Variants in SPRED2 observed in about 807,000 individuals in gnomAD.
SPRED2 encodes the protein sprouty-related, EVH1 domain-containing protein 2.
In SPRED2, 47 loss-of-function variants were observed where a neutral mutation model predicts 43.0. The ratio of observed to expected loss-of-function variants is 1.09; its 90% CI spans 0.87 to 1.40. The LOEUF is 1.40. SPRED2 is among the 40% of genes most tolerant of loss of function. The probability of loss-of-function intolerance (pLI) is 0.00; values close to 1 mark genes in which losing one functional copy is unlikely to be tolerated. For synonymous variants in SPRED2, 225 were observed against 225.7 expected (o/e 1.00, Z 0.03); for missense variants, 561 against 586.4 (o/e 0.96, Z 0.45).
intron 1 of SPRED2, chr2:65,377,764 T>TA: frequency 2.1e-6 from 1 of 467,490 alleles, no homozygotes; most frequent in South Asian, 1.6e-5. Flanking sequence ...ACTCCCTAGG[T>TA]AACTGTCAAA....
intron 1 of SPRED2, among the ~76,000 whole-genome samples, chr2:65,404,787 A>C (rs1051653702): frequency 6.6e-6 from 1 of 152,194 alleles, no homozygotes; most frequent in African/African-American, 2.4e-5. Context: ...TTTCTTACAA[A>C]TGAGGGCACA....
chr2:65,394,929 A>ATTTTTATC (rs982462760), intron 1 of SPRED2, among the ~76,000 whole-genome samples: 2 of 152,142 alleles, frequency 1.3e-5, no homozygotes, highest in African/African-American at 4.8e-5. Context: ...AATTGTAGTG[A>ATTTTTATC]TTTTTATCTA....
At position 65,432,175 on chromosome 2, in the gene SPRED2, G is replaced by A. The variant is rs915466877; in HGVS notation, c.-188C>T. The A allele has an allele frequency of 3.0e-6, 2 of 668,826 alleles. No homozygotes were observed. The highest frequency in any genetic ancestry group is 2.8e-5 in the East Asian group (1 of 35,652). The allele number at this position is 668,826 out of a possible 1,614,324, so 41.4% of individuals were successfully genotyped here. Reference sequence around the variant, plus strand: ...CGGGATAGGGTTTGGGGGAAGGGGTGCAAAGGCAGGCTGCGCGGGGAGTGA... The same window carrying A: ...CGGGATAGGGTTTGGGGGAAGGGGTACAAAGGCAGGCTGCGCGGGGAGTGA... On this transcript the variant is annotated 5_prime_UTR_variant, in exon 1 of 6. Coordinates refer to ENST00000356388, the MANE Select transcript of SPRED2 (RefSeq NM_181784.3).
At chr2:65,383,626 G>A (rs1171129227) in intron 1 of SPRED2, among the ~76,000 whole-genome samples, 2 of 152,182 alleles carry the variant, frequency 1.3e-5, no homozygotes, top group African/African-American at 2.4e-5. Context: ...AGGCTTTCTG[G>A]TTTGGCCCTA....
Position 65,360,074 on chromosome 2 carries a change from A to AC in SPRED2, c.27-15179_27-15178insG, listed in dbSNP as rs1266437620. On this transcript the variant is annotated intron_variant, in intron 1 of 5. Coordinates refer to ENST00000356388, the MANE Select transcript of SPRED2 (RefSeq NM_181784.3). ...AGCGAGACTCCATCTCAAAAAAAAA[A>AC]AAAACAAAAAAAAACAAAAAAAAAA... Among the ~76,000 whole-genome samples, 11 of 97,616 alleles carry AC rather than the reference A, an allele frequency of 1.1e-4. No homozygotes were observed. In the Admixed American group the frequency reaches 1.4e-3, roughly 12 times the overall value. The allele number at this position is 97,616 out of a possible 152,430, so 64.0% of individuals were successfully genotyped here. A position where few individuals can be genotyped will look rare whatever the true frequency, so the allele number is the denominator to read the frequency against.
chr2:65,422,102 ACACT>A (rs1273988592), intron 1 of SPRED2, among the ~76,000 whole-genome samples: 87 of 104,208 alleles, frequency 8.3e-4, no homozygotes, highest in African/African-American at 2.6e-3. Flanking sequence ...ACACACACAC[ACACT>A]CTCTCTCTCT....
chr2:65,370,157 C>T (rs1228939570), intron 1 of SPRED2, among the ~76,000 whole-genome samples: 1 of 152,192 alleles, frequency 6.6e-6, no homozygotes, highest in African/African-American at 2.4e-5. Flanking sequence ...CTTGCCTACA[C>T]TTAATGTTAT....
chr2:65,429,468 A>T (rs1304552944), intron 1 of SPRED2, among the ~76,000 whole-genome samples: 1 of 152,222 alleles, frequency 6.6e-6, no homozygotes, highest in Non-Finnish European at 1.5e-5. Context: ...TGGCTACCTT[A>T]ATCAAACAAT....
chr2:65,360,930 T>C (rs1362994015), intron 1 of SPRED2, among the ~76,000 whole-genome samples: 1 of 152,214 alleles, frequency 6.6e-6, no homozygotes, highest in Admixed American at 6.5e-5. Context: ...TTAGGAGCAT[T>C]TCTGCAGTCC....
intron 1 of SPRED2, among the ~76,000 whole-genome samples, chr2:65,385,214 C>T (rs1179347986): frequency 1.3e-5 from 2 of 152,114 alleles, no homozygotes; most frequent in Non-Finnish European, 2.9e-5. Flanking sequence ...TCAGGTGATC[C>T]GCCTGCCTTG....
At chr2:65,400,482 G>T (rs747744793) in intron 1 of SPRED2, among the ~76,000 whole-genome samples, 1 of 152,162 alleles carries the variant, frequency 6.6e-6, no homozygotes, top group Non-Finnish European at 1.5e-5. Flanking sequence ...TTCTGGGACC[G>T]TTGGCCCTCA....
At chr2:65,356,645 GTTAA>G (rs1008881980) in intron 1 of SPRED2, among the ~76,000 whole-genome samples, 41 of 142,784 alleles carry the variant, frequency 2.9e-4, no homozygotes, top group African/African-American at 1.0e-3. Flanking sequence ...ACCAAACTAT[GTTAA>G]TACCAAATTC....
chr2:65,366,819 T>G, intron 1 of SPRED2: 1 of 1,249,896 alleles, frequency 8.0e-7, no homozygotes, highest in African/African-American at 1.5e-5. Context: ...AGGCCTGTTG[T>G]GTCATTACTC....
chr2:65,346,886 T>C (rs1485385135), intron 1 of SPRED2, among the ~76,000 whole-genome samples: 2 of 152,342 alleles, frequency 1.3e-5, no homozygotes, highest in Non-Finnish European at 1.5e-5. Context: ...CTCTCCACCA[T>C]GATCCCTGGC....
In SPRED2 at chr2:65,432,133, G is replaced by T; in HGVS notation, c.-146C>A. On this transcript the variant is annotated 5_prime_UTR_variant, in exon 1 of 6. It adds an upstream start codon to the 5' untranslated region. Transcript: ENST00000356388. ...TAGAGATGAAGAGGGCGCCGCAGCA[G>T]AAGGGGAAGCAGGGCGCGGGATAGG... 1.9e-6 allele frequency: 2 copies of T among 1,032,574 alleles called. No homozygotes were observed. The highest frequency in any genetic ancestry group is 1.5e-6 in the Non-Finnish European group (1 of 688,004). 64.0% of individuals were successfully genotyped at this position (1,032,574 alleles called of 1,614,324 possible). A position where few individuals can be genotyped will look rare whatever the true frequency, so the allele number is the denominator to read the frequency against.
At chr2:65,364,142 A>C (rs1572871818) in intron 1 of SPRED2, among the ~76,000 whole-genome samples, 1 of 152,344 alleles carries the variant, frequency 6.6e-6, no homozygotes, top group African/African-American at 2.4e-5. Context: ...CCAAAAAGGA[A>C]TAGCTCAAAG....
chr2:65,356,532 CCCTCTTTT>C (rs1558666444), intron 1 of SPRED2, among the ~76,000 whole-genome samples: 45 of 52,472 alleles, frequency 8.6e-4, no homozygotes, highest in African/African-American at 2.3e-3. Flanking sequence ...TTCCCCAGTT[CCCTCTTTT>C]TTTTTTTTTT....
intron 3 of SPRED2, chr2:65,334,111 T>C (rs1359710982): frequency 2.2e-6 from 1 of 453,336 alleles, no homozygotes; most frequent in Non-Finnish European, 4.5e-6. Context: ...TACTACTCAC[T>C]TACCCATAGA....
chr2:65,344,451 G>T, intron 2 of SPRED2: 3 of 565,468 alleles, frequency 5.3e-6, no homozygotes, highest in Non-Finnish European at 1.0e-5. Flanking sequence ...TACAATGATA[G>T]ACATCTTAAT....
Sources: allele counts gnomAD v4.1 joint callset (sites outside exome capture counted in the v4.1 genomes callset), GRCh38; gene constraint gnomAD v4.1.1; transcripts MANE v1.5; gene names NCBI Gene and HGNC (gene_info 2026-07-23, HGNC 2026-07-21).